Variants in ABCC5 observed in about 807,000 individuals in gnomAD.
The protein encoded by ABCC5 is ATP-binding cassette sub-family C member 5.
A neutral mutation model predicts 160.9 loss-of-function variants in ABCC5; 61 were observed. The ratio of observed to expected loss-of-function variants is 0.38; its 90% CI spans 0.31 to 0.47. ABCC5 has a LOEUF of 0.47. Among genes scored for constraint, ABCC5 ranks in the 20% least tolerant of loss-of-function variants. ABCC5 has a pLI of 0.99. For synonymous variants in ABCC5, 666 were observed against 700.6 expected (o/e 0.95, Z 0.78); for missense variants, 1,308 against 1,813.3 (o/e 0.72, Z 5.06).
Position 183,987,701 on chromosome 3 carries a change from G to A in ABCC5, c.591+69C>T. ...AAAGCTGAGCACAACCTCTGCAACA[G>A]AATAAGAGTGTTAGAGCTGGCCGTG... On this transcript the variant is annotated intron_variant, in intron 5 of 29. Transcript: ENST00000334444. This position sits in a 1 kb window ranked among gnomAD's most constrained non-coding sequence, Gnocchi z 4.2. The A allele has an allele frequency of 6.2e-7, 1 of 1,603,832 alleles. No individual in the cohort carries two copies. Among genetic ancestry groups the A allele is most frequent in the South Asian group, 1.1e-5 (1 of 90,004 alleles).
intron 17 of ABCC5, among the ~76,000 whole-genome samples, chr3:183,958,292 A>C (rs1298656953): frequency 6.6e-6 from 1 of 152,222 alleles, no homozygotes; most frequent in Non-Finnish European, 1.5e-5. Context: ...CCAGGTACTA[A>C]GCATAGTACC....
chr3:183,987,992 T>C lies in ABCC5; in HGVS notation c.444-75A>G. 1 of 1,547,660 alleles carries C rather than the reference T, an allele frequency of 6.5e-7. No individual in the cohort carries two copies. The highest frequency in any genetic ancestry group is 1.2e-5 in the South Asian group (1 of 84,848). ...CACCTAGCTCCCCGCCTGCCACCAC[T>C]TTTTGTCTCCAGGTTTTGCCACCAC... On this transcript the variant is annotated intron_variant, in intron 4 of 29. Coordinates refer to ENST00000334444, the MANE Select transcript of ABCC5 (RefSeq NM_005688.4). This position sits in a 1 kb window ranked among gnomAD's most constrained non-coding sequence, Gnocchi z 4.2.
rs1711918673 is a variant in ABCC5, at chr3:183,921,040, A to C, written c.*260T>G. The C allele has an allele frequency of 6.0e-6, 2 of 336,098 alleles. No individual in the cohort carries two copies. Among genetic ancestry groups the C allele is most frequent in the Admixed American group, 4.8e-5 (1 of 20,956 alleles). The allele number at this position is 336,098 out of a possible 1,614,324, so 20.8% of individuals were successfully genotyped here. On this transcript the variant is annotated 3_prime_UTR_variant, in exon 30 of 30. Transcript: ENST00000334444. The surrounding 1 kb of genome is among the most constrained non-coding windows in gnomAD (Gnocchi z 4.1). ...AAGCTTCATTATAGGCCTCTGATAC[A>C]ATTATAATAACGGTTCCCTGAACCT...
chr3:184,002,504 T>C (rs1053799937), intron 2 of ABCC5, among the ~76,000 whole-genome samples: 1 of 152,200 alleles, frequency 6.6e-6, no homozygotes, highest in Non-Finnish European at 1.5e-5. Context: ...TAGACACCTC[T>C]GGTATGAAAA....
intron 17 of ABCC5, among the ~76,000 whole-genome samples, chr3:183,956,167 C>T (rs1436082083): frequency 2.8e-5 from 4 of 141,338 alleles, no homozygotes; most frequent in South Asian, 4.5e-4. Flanking sequence ...TAAATCACAT[C>T]GGTTACATGC....
At chr3:183,945,035 C>T (rs1714712015) in intron 24 of ABCC5, among the ~76,000 whole-genome samples, 1 of 152,218 alleles carries the variant, frequency 6.6e-6, no homozygotes, top group Admixed American at 6.5e-5. Flanking sequence ...CCTTCTCTCT[C>T]TCTCCTGCTC....
rs371762166 is a variant in ABCC5 at position 183,965,429 on chromosome 3, T to G, written c.1906A>C (p.Asn636His). The change falls in exon 13 of 30, where the codon AAT becomes CAT. Residue 636 changes from asparagine (N) to histidine (H), a missense_variant. This residue lies in a region of ABCC5 where 1,142 missense variants were observed against 1,527.1 expected (regional missense o/e 0.75). Transcript: ENST00000334444. ...AYVAQQAWIL[N>H]ATLRDNILFG... is the part of the protein sequence containing the mutation. ...AGGATGTTGTCTCTCAGAGTAGCAT[T>G]GAGGATCCAGGCCTGCTGGGCCACA... 6.2e-7 allele frequency: 1 copy of G among 1,613,890 alleles called. No individual in the cohort carries two copies. The highest frequency in any genetic ancestry group is 8.5e-7 in the Non-Finnish European group (1 of 1,180,026).
At chr3:183,928,721 C>T (rs752885450) in intron 27 of ABCC5, 26 bp downstream of exon 27, 16 of 1,607,094 alleles carry the variant, frequency 1.0e-5, no homozygotes, top group South Asian at 3.3e-5. Flanking sequence ...CATCTCAGCA[C>T]GGCTTCCCCT....
At chr3:183,973,566 C>T (rs1717957172) in intron 10 of ABCC5, among the ~76,000 whole-genome samples, 1 of 152,100 alleles carries the variant, frequency 6.6e-6, no homozygotes, top group African/African-American at 2.4e-5. Flanking sequence ...CATAATCCCT[C>T]TCCCCAAAAA....
intron 17 of ABCC5, among the ~76,000 whole-genome samples, chr3:183,955,719 C>T (rs1223431524): frequency 7.0e-6 from 1 of 143,458 alleles, no homozygotes; most frequent in South Asian, 2.2e-4. Context: ...TAAATCACAT[C>T]AGTTACATGC....
intron 15 of ABCC5, among the ~76,000 whole-genome samples, chr3:183,962,065 G>A (rs925951534): frequency 1.3e-5 from 2 of 152,042 alleles, no homozygotes; most frequent in African/African-American, 2.4e-5. Context: ...GACATTTTTG[G>A]TTGTCACAAC....
At chr3:183,979,839 C>T (rs537477148) in intron 8 of ABCC5, among the ~76,000 whole-genome samples, 17 of 151,482 alleles carry the variant, frequency 1.1e-4, no homozygotes, top group African/African-American at 2.7e-4. Flanking sequence ...CCTTCCAAAG[C>T]GTGGAGACTA....
intron 25 of ABCC5, chr3:183,942,307 T>C: frequency 2.2e-6 from 1 of 444,618 alleles, no homozygotes; most frequent in Admixed American, 2.4e-5. Flanking sequence ...GTGCTGGGAT[T>C]ACAGGCATGA....
chr3:183,935,714 C>T (rs971623442), intron 26 of ABCC5, among the ~76,000 whole-genome samples: 1 of 152,124 alleles, frequency 6.6e-6, no homozygotes, highest in Non-Finnish European at 1.5e-5. Flanking sequence ...GTTGGCCAGG[C>T]TGGTCTCGAA....
chr3:183,968,511 T>C (rs1480764641), intron 11 of ABCC5, among the ~76,000 whole-genome samples: 1 of 152,182 alleles, frequency 6.6e-6, no homozygotes, highest in East Asian at 1.9e-4. Flanking sequence ...GTATACATAA[T>C]TAATTTTCAA....
chr3:184,006,258 A>G (rs936222755), intron 2 of ABCC5: 17 of 149,704 alleles, frequency 1.1e-4, no homozygotes, highest in Non-Finnish European at 4.4e-5. Flanking sequence ...CTAAGAGACT[A>G]CTGTGCCTCA....
rs979646049 is a variant in ABCC5 at position 183,987,478 on chromosome 3, T to C, written c.591+292A>G. On this transcript the variant is annotated intron_variant, in intron 5 of 29. Coordinates refer to ENST00000334444, the MANE Select transcript of ABCC5 (RefSeq NM_005688.4). The surrounding 1 kb of genome is among the most constrained non-coding windows in gnomAD (Gnocchi z 4.2). The stretch of plus-strand genomic sequence containing the variant: ...AAGACACATCTGCCTGCACCGACTG[T>C]CAGTTCATGTTAACACACAACCGAG... 1 of 598,934 alleles carries C rather than the reference T, an allele frequency of 1.7e-6. No individual in the cohort carries two copies. 37.1% of individuals were successfully genotyped at this position (598,934 alleles called of 1,614,324 possible). A position where few individuals can be genotyped will look rare whatever the true frequency, so the allele number is the denominator to read the frequency against.
intron 2 of ABCC5, chr3:184,006,452 C>T (rs1226547906): frequency 1.3e-5 from 2 of 152,146 alleles, no homozygotes; most frequent in Admixed American, 6.5e-5. Flanking sequence ...AACAGCAAGC[C>T]GACTCACAGG....
At position 183,969,079 on chromosome 3, in the gene ABCC5, C is replaced by CTTTTTTCT. The variant is rs1391024460; in HGVS notation, c.1762-1314_1762-1313insAGAAAAAA. ...AGATTTACATGAGAAAAATGCTATT[C>CTTTTTTCT]TTATGATTAAATGATGACTAAATGA... On this transcript the variant is annotated intron_variant, in intron 11 of 29. Coordinates refer to ENST00000334444, the MANE Select transcript of ABCC5 (RefSeq NM_005688.4). Among the ~76,000 whole-genome samples, 5 of 152,272 alleles carry CTTTTTTCT rather than the reference C, an allele frequency of 3.3e-5. No individual in the cohort carries two copies. In the South Asian group the frequency reaches 8.3e-4, roughly 25 times the overall value.
Sources: allele counts gnomAD v4.1 joint callset (sites outside exome capture counted in the v4.1 genomes callset), GRCh38; gene constraint gnomAD v4.1.1; regional missense constraint gnomAD v4.1.1; non-coding constraint Gnocchi (gnomAD v3.1); transcripts MANE v1.5; gene names NCBI Gene and HGNC (gene_info 2026-07-23, HGNC 2026-07-21).